Variants in MYO9A observed in about 807,000 individuals in gnomAD.
MYO9A encodes unconventional myosin-IXa.
Under a neutral mutation model 293.3 loss-of-function variants are expected in MYO9A, and 103 were observed. The ratio of observed to expected loss-of-function variants is 0.35; its 90% confidence interval spans 0.30 to 0.41. The LOEUF (loss-of-function observed/expected upper bound fraction) is 0.41, where lower values mean the gene tolerates loss of function less well. Ranked by LOEUF, MYO9A falls within the 10% of genes least tolerant of loss-of-function variation. The pLI, the probability that MYO9A is intolerant of heterozygous loss-of-function variation, is 1.00. For missense variants in MYO9A, 2,685 were observed against 3,033.0 expected (o/e 0.89, Z 2.69); for synonymous variants, 1,001 against 1,035.7 (o/e 0.97, Z 0.64).
intron 14 of MYO9A, among the ~76,000 whole-genome samples, chr15:71,956,155 A>G (rs1227498833): frequency 6.6e-6 from 1 of 151,082 alleles, no homozygotes; most frequent in Non-Finnish European, 1.5e-5. Flanking sequence ...AAATTTAAAA[A>G]AAGAAAAGGC....
At chr15:71,853,477 TGTAAACCAAA>T (rs903732151) in intron 35 of MYO9A, among the ~76,000 whole-genome samples, 7 of 152,218 alleles carry the variant, frequency 4.6e-5, no homozygotes, top group Admixed American at 3.9e-4. Flanking sequence ...AGTAACTGCC[TGTAAACCAAA>T]GTAGACCAAG....
intron 1 of MYO9A, among the ~76,000 whole-genome samples, chr15:72,090,883 T>C (rs888917320): frequency 2.0e-5 from 3 of 151,966 alleles, no homozygotes; most frequent in African/African-American, 7.3e-5. Flanking sequence ...GATTGGGTGC[T>C]GGGCGCAGTG....
intron 1 of MYO9A, among the ~76,000 whole-genome samples, chr15:72,107,528 G>A (rs12050895): frequency 0.21 from 32,255 of 151,896 alleles, 3,674 homozygotes; most frequent in East Asian, 0.41. Flanking sequence ...CAGCCTGGGC[G>A]ACAGAGCAAG....
intron 15 of MYO9A, among the ~76,000 whole-genome samples, chr15:71,939,653 AT>A (rs1378056884): frequency 6.6e-6 from 1 of 152,246 alleles, no homozygotes; most frequent in East Asian, 1.9e-4. Flanking sequence ...AATTAATGTT[AT>A]AAATACGATG....
chr15:72,106,681 G>C (rs563570953), intron 1 of MYO9A, among the ~76,000 whole-genome samples: 1 of 152,132 alleles, frequency 6.6e-6, no homozygotes, highest in Admixed American at 6.5e-5. Context: ...GGTCACTGCA[G>C]CCTCAACCTC....
chr15:71,946,468 TA>T (rs2058921656), intron 15 of MYO9A, among the ~76,000 whole-genome samples: 1 of 152,232 alleles, frequency 6.6e-6, no homozygotes, highest in African/African-American at 2.4e-5. Flanking sequence ...CTGATTGCCA[TA>T]AATGTTCATA....
At position 72,035,620 on chromosome 15, in the gene MYO9A, T is replaced by C. The variant is rs115415245; in HGVS notation, c.841-3032A>G. On this transcript the variant is annotated intron_variant, in intron 2 of 41. Transcript: ENST00000356056. ...GAGTTTGAGACCATCCTGTGCAACA[T>C]AGGGAGACCTCATCTCTACAAAAAG... Among the ~76,000 whole-genome samples the C allele has an allele frequency of 7.0e-3, 1,070 of 152,138 alleles. 13 individuals carry two copies. The highest frequency in any genetic ancestry group is 0.023 in the African/African-American group (959 of 41,518).
At chr15:71,927,466 A>T (rs1161554154) in intron 18 of MYO9A, among the ~76,000 whole-genome samples, 1 of 152,168 alleles carries the variant, frequency 6.6e-6, no homozygotes, top group Non-Finnish European at 1.5e-5. Context: ...CGTATGTTTT[A>T]TTCTACAATT....
intron 33 of MYO9A, among the ~76,000 whole-genome samples, chr15:71,862,273 G>T (rs894396117): frequency 3.9e-5 from 6 of 152,176 alleles, no homozygotes; most frequent in Admixed American, 3.3e-4. Context: ...TCTGGGACAA[G>T]ACCATTTTAG....
intron 19 of MYO9A, among the ~76,000 whole-genome samples, chr15:71,910,182 A>ATATATACGTGTATATATATATATATATAT: frequency 6.9e-6 from 1 of 145,738 alleles, no homozygotes; most frequent in Admixed American, 6.9e-5. Context: ...ATATATATAT[A>ATATATACGTGTATATATATATATATATAT]AAATCAGAAA....
At chr15:71,839,907 T>C (rs1042013438) in intron 39 of MYO9A, among the ~76,000 whole-genome samples, 45 of 152,234 alleles carry the variant, frequency 3.0e-4, no homozygotes, top group Non-Finnish European at 5.3e-4. Flanking sequence ...AAGTATTCTT[T>C]TGCTGTTTTT....
intron 1 of MYO9A, among the ~76,000 whole-genome samples, chr15:72,082,027 T>C (rs141743931): frequency 0.013 from 1,917 of 152,260 alleles, 57 homozygotes; most frequent in Admixed American, 0.057. Flanking sequence ...CTTTTTTGGT[T>C]CCATATCAAT....
chr15:72,093,987 AAAG>A (rs1400237358), intron 1 of MYO9A, among the ~76,000 whole-genome samples: 1 of 92,096 alleles, frequency 1.1e-5, no homozygotes, highest in Non-Finnish European at 3.3e-5. Flanking sequence ...ACCCACAGTA[AAAG>A]AAGAAAAATA....
intron 30 of MYO9A, 88 bp downstream of exon 30, chr15:71,879,633 A>G (rs190672106): frequency 1.3e-5 from 12 of 941,746 alleles, no homozygotes; most frequent in Middle Eastern, 2.2e-4. Flanking sequence ...ATCTCTTACG[A>G]AACATGGCTT....
intron 1 of MYO9A, among the ~76,000 whole-genome samples, chr15:72,093,484 C>T (rs1017655012): frequency 6.6e-6 from 1 of 151,362 alleles, no homozygotes; most frequent in African/African-American, 2.4e-5. Flanking sequence ...TGCAGTGAGC[C>T]GAGATCACAC....
At position 72,046,406 on chromosome 15, in the gene MYO9A, A is replaced by C. The variant is rs1243864830; in HGVS notation, c.158T>G (p.Leu53Arg). The change falls in exon 2 of 42, where the codon CTT becomes CGT. Residue 53 changes from leucine (L) to arginine (R), a missense_variant. Coordinates refer to ENST00000356056, the MANE Select transcript of MYO9A (RefSeq NM_006901.4). The stretch of plus-strand genomic sequence containing the variant: ...ATAACATTTTGTTTTGTCAAGATGA[A>C]GTTTGTTTATAAGAGACTCAATCAC... The part of the protein sequence containing the change: ...AEVIESLINK[L>R]HLDKTKCYVL... 6.2e-7 allele frequency: 1 copy of C among 1,614,052 alleles called. No individual in the cohort carries two copies.
intron 26 of MYO9A, chr15:71,892,244 A>G (rs1261904042): frequency 6.6e-6 from 1 of 152,252 alleles, no homozygotes; most frequent in Non-Finnish European, 1.5e-5. Flanking sequence ...CACAACACCA[A>G]TGTTATATTG....
chr15:72,084,126 A>C (rs563035225), intron 1 of MYO9A, among the ~76,000 whole-genome samples: 2 of 152,296 alleles, frequency 1.3e-5, no homozygotes, highest in African/African-American at 4.8e-5. Flanking sequence ...GTAGAAGTCT[A>C]CATCTCTTTG....
At chr15:72,109,821 C>T (rs911164047) in intron 1 of MYO9A, among the ~76,000 whole-genome samples, 3 of 150,376 alleles carry the variant, frequency 2.0e-5, no homozygotes, top group African/African-American at 2.5e-5. Flanking sequence ...ACTTGAACCT[C>T]GAAAGTGGAG....
Sources: gnomAD v4.1 joint callset for allele counts (sites outside exome capture counted in the v4.1 genomes callset) on GRCh38, gnomAD v4.1.1 for gene constraint, MANE v1.5 for transcripts, NCBI Gene and HGNC (gene_info 2026-07-23, HGNC 2026-07-21) for gene names.